Variants in KCTD16 observed in about 807,000 individuals in gnomAD.
The protein encoded by KCTD16 is potassium channel tetramerization domain containing 16, also known as BTB/POZ domain-containing protein KCTD16.
Under a neutral mutation model 33.2 loss-of-function variants are expected in KCTD16, and 13 were observed. That is an observed-to-expected ratio of 0.39 (90% CI 0.25 to 0.62). The LOEUF is 0.62. KCTD16 is among the 20% of genes least tolerant of loss of function. KCTD16 has a pLI of 0.50. For synonymous variants in KCTD16, 197 were observed against 195.3 expected (o/e 1.01, Z -0.07); for missense variants, 441 against 525.1 (o/e 0.84, Z 1.57).
At chr5:144,175,455 C>G (rs1323608303) in intron 2 of KCTD16, among the ~76,000 whole-genome samples, 1 of 152,184 alleles carries the variant, frequency 6.6e-6, no homozygotes, top group Non-Finnish European at 1.5e-5. Flanking sequence ...AAAATTGCAA[C>G]TAGACATTTG....
At chr5:144,300,695 A>G (rs1751410626) in intron 3 of KCTD16, among the ~76,000 whole-genome samples, 1 of 152,232 alleles carries the variant, frequency 6.6e-6, no homozygotes, top group Non-Finnish European at 1.5e-5. Flanking sequence ...GAGTACGGCC[A>G]TATAAACTCA....
intron 2 of KCTD16, among the ~76,000 whole-genome samples, chr5:144,196,845 A>G (rs1016385922): frequency 6.6e-6 from 1 of 152,238 alleles, no homozygotes; most frequent in African/African-American, 2.4e-5. Flanking sequence ...TGTCATTTTG[A>G]GAGACCCCTA....
At chr5:144,439,782 G>A (rs1753660004) in intron 3 of KCTD16, among the ~76,000 whole-genome samples, 1 of 152,050 alleles carries the variant, frequency 6.6e-6, no homozygotes, top group Non-Finnish European at 1.5e-5. Flanking sequence ...TTAAGATCAT[G>A]GCTGTTACAG....
At position 144,482,411 on chromosome 5, in the gene KCTD16, A is replaced by C. The variant is rs1235261951; in HGVS notation, c.*8297A>C. The C allele has an allele frequency of 6.6e-6, 1 of 151,970 alleles. No homozygotes were observed. Among genetic ancestry groups the C allele is most frequent in the Admixed American group, 6.6e-5 (1 of 15,234 alleles). The allele number at this position is 151,970 out of a possible 1,614,324, so 9.4% of individuals were successfully genotyped here. A position where few individuals can be genotyped will look rare whatever the true frequency, so the allele number is the denominator to read the frequency against. ...CACGTCTGGAGAAAATGACACCTGC[A>C]ATTGCTTGCTGTGCTGCACACAGGT... On this transcript the variant is annotated 3_prime_UTR_variant, in exon 4 of 4. Coordinates refer to ENST00000512467, the MANE Select transcript of KCTD16 (RefSeq NM_020768.4).
rs1209814458 is a variant in KCTD16 at position 144,206,536 on chromosome 5, C to T, written c.-179C>T. ...TTAAACTACTTTTTCAGCATCACTT[C>T]ACCTGTGGACTCTTATACATTTTGA... On this transcript the variant is annotated 5_prime_UTR_variant, in exon 3 of 4. Transcript: ENST00000512467. 3 of 578,468 alleles carry T rather than the reference C, an allele frequency of 5.2e-6. No homozygotes were observed. Among genetic ancestry groups the T allele is most frequent in the East Asian group, 2.8e-5 (1 of 35,650 alleles). 35.8% of individuals were successfully genotyped at this position (578,468 alleles called of 1,614,324 possible).
chr5:144,397,903 A>G (rs1305694473), intron 3 of KCTD16, among the ~76,000 whole-genome samples: 2 of 152,232 alleles, frequency 1.3e-5, no homozygotes, highest in African/African-American at 2.4e-5. Context: ...AGTGAGAAGA[A>G]CATGTCTCAG....
At chr5:144,286,304 T>G (rs866746792) in intron 3 of KCTD16, among the ~76,000 whole-genome samples, 1 of 152,210 alleles carries the variant, frequency 6.6e-6, no homozygotes, top group African/African-American at 2.4e-5. Flanking sequence ...GGTGAACCTA[T>G]AGATTCTCTG....
At chr5:144,429,607 C>A (rs528062561) in intron 3 of KCTD16, among the ~76,000 whole-genome samples, 2 of 152,074 alleles carry the variant, frequency 1.3e-5, no homozygotes, top group Non-Finnish European at 2.9e-5. Flanking sequence ...GAGTCATACA[C>A]CTATCCTTGG....
chr5:144,270,517 T>C (rs1003208580), intron 3 of KCTD16, among the ~76,000 whole-genome samples: 1 of 151,676 alleles, frequency 6.6e-6, no homozygotes, highest in African/African-American at 2.4e-5. Context: ...TTATGAGATA[T>C]AGTTAAAGCA....
At chr5:144,289,010 G>A (rs1433804914) in intron 3 of KCTD16, among the ~76,000 whole-genome samples, 1 of 151,926 alleles carries the variant, frequency 6.6e-6, no homozygotes, top group Non-Finnish European at 1.5e-5. Flanking sequence ...GTGAAACTCT[G>A]TCTCAAAACA....
rs372523220 is a variant in KCTD16 at position 144,351,214 on chromosome 5, G to A, written c.833-122446G>A. Reference sequence around the variant, plus strand: ...TCTTTCCCTTTTTTATTCTTTCTACGAATGTGTCTTGATCATATTGTGAAG... The same window carrying A: ...TCTTTCCCTTTTTTATTCTTTCTACAAATGTGTCTTGATCATATTGTGAAG... On this transcript the variant is annotated intron_variant, in intron 3 of 3. Coordinates refer to ENST00000512467, the MANE Select transcript of KCTD16 (RefSeq NM_020768.4). Among the ~76,000 whole-genome samples, 5 of 151,900 alleles carry A rather than the reference G, an allele frequency of 3.3e-5. No homozygotes were observed. The East Asian group carries it at 5.8e-4, about 18-fold the overall frequency.
chr5:144,378,254 T>C (rs1752135972), intron 3 of KCTD16, among the ~76,000 whole-genome samples: 1 of 152,168 alleles, frequency 6.6e-6, no homozygotes, highest in Non-Finnish European at 1.5e-5. Flanking sequence ...TGAAAAGTAA[T>C]AGAAGAACTT....
intron 3 of KCTD16, among the ~76,000 whole-genome samples, chr5:144,270,844 A>G (rs1156535116): frequency 6.6e-6 from 1 of 151,966 alleles, no homozygotes; most frequent in Non-Finnish European, 1.5e-5. Context: ...TGACATTACT[A>G]CTGCTACTAC....
chr5:144,225,248 C>T (rs1193520819), intron 3 of KCTD16, among the ~76,000 whole-genome samples: 1 of 151,884 alleles, frequency 6.6e-6, no homozygotes, highest in Non-Finnish European at 1.5e-5. Context: ...TTCTTTTCCT[C>T]TTCAAATTTC....
At chr5:144,224,855 C>T (rs577970096) in intron 3 of KCTD16, among the ~76,000 whole-genome samples, 14 of 152,188 alleles carry the variant, frequency 9.2e-5, no homozygotes, top group Non-Finnish European at 1.6e-4. Flanking sequence ...CAAAACCCCA[C>T]AATGGTAAAC....
chr5:144,230,595 G>GT lies in KCTD16; in HGVS notation c.832+23060dup, dbSNP rs375204677. Among the ~76,000 whole-genome samples, 851 of 147,626 alleles carry GT rather than the reference G, an allele frequency of 5.8e-3. 8 individuals are homozygous for GT. The highest frequency in any genetic ancestry group is 0.018 in the African/African-American group (747 of 40,536). ...AAAAAGGCAGGTGTAAATAGGAAAA[G>GT]TTTTTTTTTTTCTTTTCTTAATTGG... On this transcript the variant is annotated intron_variant, in intron 3 of 3. Coordinates refer to ENST00000512467, the MANE Select transcript of KCTD16 (RefSeq NM_020768.4).
At chr5:144,226,580 CTT>C (rs879366406) in intron 3 of KCTD16, among the ~76,000 whole-genome samples, 2 of 144,398 alleles carry the variant, frequency 1.4e-5, no homozygotes, top group Non-Finnish European at 1.5e-5. Flanking sequence ...AAAAATATGT[CTT>C]TTTTTTTTTT....
chr5:144,261,196 A>T (rs1003674643), intron 3 of KCTD16, among the ~76,000 whole-genome samples: 1 of 151,280 alleles, frequency 6.6e-6, no homozygotes, highest in Admixed American at 6.6e-5. Flanking sequence ...AAAAAAAAAA[A>T]AGGAACAGTT....
At chr5:144,184,854 G>C (rs896649015) in intron 2 of KCTD16, among the ~76,000 whole-genome samples, 4 of 151,980 alleles carry the variant, frequency 2.6e-5, no homozygotes, top group Non-Finnish European at 1.5e-5. Flanking sequence ...GCTACAAAGA[G>C]GTGCATTTAA....
Sources: gnomAD v4.1 joint callset for allele counts (sites outside exome capture counted in the v4.1 genomes callset) on GRCh38, gnomAD v4.1.1 for gene constraint, MANE v1.5 for transcripts, NCBI Gene and HGNC (gene_info 2026-07-23, HGNC 2026-07-21) for gene names.